ZNF778: variants seen among roughly 807,000 people sequenced by gnomAD.
ZNF778 encodes the protein zinc finger protein 778.
ZNF778 carries 37 observed loss-of-function variants against 23.9 expected under a neutral mutation model. The observed-to-expected ratio is 1.54, with a 90% CI of 1.19 to 2.03. ZNF778 has a LOEUF of 2.03. Among genes scored for constraint, ZNF778 ranks in the 30% most tolerant of loss-of-function variants. The pLI is 0.00. For missense variants in ZNF778, 1,297 were observed against 934.4 expected, an observed-to-expected ratio of 1.39 and a Z score of -5.06; for synonymous variants, 483 against 343.9, an observed-to-expected ratio of 1.40 and a Z score of -4.48.
Position 89,227,638 on chromosome 16 carries a change from G to A in ZNF778, c.1350G>A (p.Thr450=), listed in dbSNP as rs749504610. The change falls in exon 7 of 7, where the codon ACG becomes ACA. Residue 450 remains threonine (T), a synonymous_variant. Coordinates refer to ENST00000433976, the MANE Select transcript of ZNF778 (RefSeq NM_001201407.2). ...VRTHTGEKPY[T]CKDCGKAFCT... ...CACACACGGGCGAGAAGCCATACAC[G>A]TGTAAGGACTGCGGGAAAGCCTTCT... is the stretch of plus-strand genomic sequence containing the variant. 22 of 1,613,860 alleles carry A rather than the reference G, an allele frequency of 1.4e-5. No individual in the cohort carries two copies. The highest frequency in any genetic ancestry group is 5.0e-5 in the Admixed American group (3 of 59,992).
rs117871132 is a variant in ZNF778, at chr16:89,233,601, T to C, written c.*5039T>C. 0.048 allele frequency: 54,510 copies of C among 1,125,086 alleles called. 1,700 individuals carry two copies. Among genetic ancestry groups the C allele is most frequent in the East Asian group, 0.2 (3,197 of 16,044 alleles). The allele number at this position is 1,125,086 out of a possible 1,614,324, so 69.7% of individuals were successfully genotyped here. On this transcript the variant is annotated 3_prime_UTR_variant, in exon 7 of 7. Coordinates refer to ENST00000433976, the MANE Select transcript of ZNF778 (RefSeq NM_001201407.2). ...TGCATATGCAACGCAACTCAACTCATACTGCATATGCAACTCAACTCACAC... is the reference window on the plus strand; with the variant it reads ...TGCATATGCAACGCAACTCAACTCACACTGCATATGCAACTCAACTCACAC...
Position 89,227,657 on chromosome 16 carries a change from G to C in ZNF778, c.1369G>C (p.Ala457Pro). The C allele has an allele frequency of 6.2e-7, 1 of 1,614,186 alleles. No homozygotes were observed. Among genetic ancestry groups the C allele is most frequent in the South Asian group, 1.1e-5 (1 of 91,084 alleles). The change falls in exon 7 of 7, where the codon GCC (alanine) becomes CCC (proline). Residue 457 changes from alanine to proline, a missense_variant. Physicochemically the swap from Ala to Pro is conservative, Grantham distance 27 (BLOSUM62 -1). Transcript: ENST00000433976. ...ATACACGTGTAAGGACTGCGGGAAA[G>C]CCTTCTGTACATCCTCGGGCCTTAC... The part of the protein sequence containing the change: ...KPYTCKDCGK[A>P]FCTSSGLTEH...
chr16:89,219,802 G>A (rs1167493380), intron 1 of ZNF778, among the ~76,000 whole-genome samples: 6 of 152,108 alleles, frequency 3.9e-5, no homozygotes, highest in Admixed American at 2.6e-4. Context: ...TGTTATATAC[G>A]TTGCCCCTAA....
At chr16:89,222,490 A>G (rs543025022) in intron 3 of ZNF778, among the ~76,000 whole-genome samples, 2 of 152,320 alleles carry the variant, frequency 1.3e-5, no homozygotes, top group Admixed American at 1.3e-4. Flanking sequence ...CAGCCTCCCA[A>G]GTAGCTGGGA....
chr16:89,230,130 G>GAC lies in ZNF778; in HGVS notation c.*1568_*1569insAC. Reference sequence around the variant, plus strand: ...GGGTCCCACACTGGCCAATGTTGGGGCATAACACAGCTCTACATTTTATGA... The same window carrying GAC: ...GGGTCCCACACTGGCCAATGTTGGGGACCATAACACAGCTCTACATTTTATGA... On this transcript the variant is annotated 3_prime_UTR_variant, in exon 7 of 7. Coordinates refer to ENST00000433976, the MANE Select transcript of ZNF778 (RefSeq NM_001201407.2). 1 of 691,610 alleles carries GAC rather than the reference G, an allele frequency of 1.4e-6. No individual in the cohort carries two copies. Among genetic ancestry groups the GAC allele is most frequent in the Non-Finnish European group, 1.8e-6 (1 of 563,014 alleles). The allele number at this position is 691,610 out of a possible 1,614,324, so 42.8% of individuals were successfully genotyped here.
In ZNF778 at chr16:89,232,595, T is replaced by C; in HGVS notation, c.*4033T>C. 1 of 1,178,410 alleles carries C rather than the reference T, an allele frequency of 8.5e-7. No homozygotes were observed. The highest frequency in any genetic ancestry group is 1.1e-6 in the Non-Finnish European group (1 of 932,006). The allele number at this position is 1,178,410 out of a possible 1,614,324, so 73.0% of individuals were successfully genotyped here. The stretch of plus-strand genomic sequence containing the variant: ...AATCTCCACTCCCAATGTCTGAGGG[T>C]TCCTCAGAGTAAGATAAAATATTAA... On this transcript the variant is annotated 3_prime_UTR_variant, in exon 7 of 7. Coordinates refer to ENST00000433976, the MANE Select transcript of ZNF778 (RefSeq NM_001201407.2).
rs1213520810 is a variant in ZNF778 at position 89,228,543 on chromosome 16, C to T, written c.2255C>T (p.Thr752Ile). Residue 752 changes from threonine (T) to isoleucine (I), a missense_variant, in exon 7 of 7, where the codon ACT (threonine) becomes ATT (isoleucine). By Grantham distance (89) the Thr-to-Ile change is moderately conservative. Coordinates refer to ENST00000433976, the MANE Select transcript of ZNF778 (RefSeq NM_001201407.2). ...CTTAACCATCACACTCAAATTCACA[C>T]TGATGAGAAACCTTTCTAATGTAAA... The part of the protein sequence containing the change: ...SCLNHHTQIH[T>I]DEKPF The T allele has an allele frequency of 4.4e-6, 7 of 1,588,894 alleles. No individual in the cohort carries two copies. Among genetic ancestry groups the T allele is most frequent in the Admixed American group, 1.8e-5 (1 of 54,614 alleles).
chr16:89,223,163 G>A lies in ZNF778; in HGVS notation c.124G>A (p.Val42Met), dbSNP rs781756193. 1.2e-6 allele frequency: 2 copies of A among 1,613,070 alleles called. No homozygotes were observed. The highest frequency in any genetic ancestry group is 2.7e-5 in the African/African-American group (2 of 74,834). ...GTCATGTGTGATGATTTAGGACGCG[G>A]TGACCTTTGACGACGTGGCTGTGGA... Reference protein sequence around the residue: ...GWLINCYQDAVTFDDVAVDFT... With the variant: ...GWLINCYQDAMTFDDVAVDFT... Residue 42 changes from valine (V) to methionine (M), a missense_variant, in exon 4 of 7, where the codon GTG becomes ATG. Transcript: ENST00000433976.
intron 5 of ZNF778, 84 bp downstream of exon 5, chr16:89,224,886 G>C: frequency 9.8e-7 from 1 of 1,021,654 alleles, no homozygotes; most frequent in South Asian, 1.4e-5. Context: ...GGCTATGGAA[G>C]GATTGTGTCA....
Position 89,221,008 on chromosome 16 carries a change from C to T in ZNF778, c.-120C>T. 1.9e-6 allele frequency: 2 copies of T among 1,072,318 alleles called. No individual in the cohort carries two copies. Among genetic ancestry groups the T allele is most frequent in the Non-Finnish European group, 2.7e-6 (2 of 729,874 alleles). The allele number at this position is 1,072,318 out of a possible 1,614,324, so 66.4% of individuals were successfully genotyped here. A position where few individuals can be genotyped will look rare whatever the true frequency, so the allele number is the denominator to read the frequency against. ...ATCATGATTGCTAGGAAATAGGGAT[C>T]CAGCCATCCGTGGGTCAGGAGGAAT... is the stretch of plus-strand genomic sequence containing the variant. On this transcript the variant is annotated 5_prime_UTR_variant, in exon 2 of 7. Coordinates refer to ENST00000433976, the MANE Select transcript of ZNF778 (RefSeq NM_001201407.2).
Position 89,228,246 on chromosome 16 carries a change from C to T in ZNF778, c.1958C>T (p.Ala653Val), listed in dbSNP as rs778594040. ...KPYICKECGK[A>V]FASSSHLIEH... is the part of the protein sequence containing the mutation. The stretch of plus-strand genomic sequence containing the variant: ...TACATATGTAAGGAGTGTGGGAAAG[C>T]CTTTGCTTCCTCCTCACACCTTATC... Residue 653 changes from alanine (A) to valine (V), a missense_variant, in exon 7 of 7, where the codon GCC becomes GTC. By Grantham distance (64) the Ala-to-Val change is moderately conservative (BLOSUM62 0). Transcript: ENST00000433976. The T allele has an allele frequency of 1.9e-6, 3 of 1,613,784 alleles. No individual in the cohort carries two copies. The highest frequency in any genetic ancestry group is 2.2e-5 in the East Asian group (1 of 44,890).
At position 89,226,702 on chromosome 16, in the gene ZNF778, C is replaced by G; in HGVS notation, c.414C>G (p.Ser138Arg). The G allele has an allele frequency of 1.2e-6, 2 of 1,608,552 alleles. No individual in the cohort carries two copies. Among genetic ancestry groups the G allele is most frequent in the Non-Finnish European group, 1.7e-6 (2 of 1,176,316 alleles). The change falls in exon 7 of 7, where the codon AGC becomes AGG. Residue 138 changes from serine (S) to arginine (R), a missense_variant. Ser to Arg is a moderately radical substitution (Grantham distance 110). Transcript: ENST00000433976. The part of the protein sequence containing the change: ...RASNETQTAR[S>R]HNGGQLCDRT... ...TCATTCTTCACCAACAGGCAAGAAG[C>G]CACAATGGAGGGCAGCTCTGTGACC... is the stretch of plus-strand genomic sequence containing the variant.
chr16:89,222,370 C>A (rs989956787), intron 3 of ZNF778, among the ~76,000 whole-genome samples, 187 bp downstream of exon 3: 3 of 148,218 alleles, frequency 2.0e-5, no homozygotes, highest in Non-Finnish European at 4.5e-5. Flanking sequence ...TTCAGTGTTA[C>A]TTTTTTTTTT....
In ZNF778 at chr16:89,221,027, G is replaced by A; in HGVS notation, c.-101G>A. The A allele has an allele frequency of 1.5e-6, 2 of 1,339,082 alleles. No homozygotes were observed. Among genetic ancestry groups the A allele is most frequent in the Non-Finnish European group, 2.1e-6 (2 of 960,546 alleles). 83.0% of individuals were successfully genotyped at this position (1,339,082 alleles called of 1,614,324 possible). A position where few individuals can be genotyped will look rare whatever the true frequency, so the allele number is the denominator to read the frequency against. The stretch of plus-strand genomic sequence containing the variant: ...AGGGATCCAGCCATCCGTGGGTCAG[G>A]AGGAATGGAGACTGTACCTTCCACA... On this transcript the variant is annotated 5_prime_UTR_variant, in exon 2 of 7. Coordinates refer to ENST00000433976, the MANE Select transcript of ZNF778 (RefSeq NM_001201407.2).
At position 89,233,888 on chromosome 16, in the gene ZNF778, C is replaced by T; in HGVS notation, c.*5326C>T. On this transcript the variant is annotated 3_prime_UTR_variant, in exon 7 of 7. Transcript: ENST00000433976. ...ACCACACCAAGCCAGTATTTCTCCT[C>T]CCTGAAGTCAGCCCAGGATGAGGCA... 7.8e-7 allele frequency: 1 copy of T among 1,289,664 alleles called. No individual in the cohort carries two copies. Among genetic ancestry groups the T allele is most frequent in the Non-Finnish European group, 1.0e-6 (1 of 989,008 alleles). The allele number at this position is 1,289,664 out of a possible 1,614,324, so 79.9% of individuals were successfully genotyped here.
At chr16:89,224,652 G>A in intron 4 of ZNF778, 67 bp from the exon 5 acceptor site, 1 of 1,144,946 alleles carries the variant, frequency 8.7e-7, no homozygotes. Context: ...TGTAGTTCCT[G>A]TTCACGGGTA....
chr16:89,221,104 A>C lies in ZNF778; in HGVS notation c.-24A>C, dbSNP rs752074365. On this transcript the variant is annotated 5_prime_UTR_variant, in exon 2 of 7. Coordinates refer to ENST00000433976, the MANE Select transcript of ZNF778 (RefSeq NM_001201407.2). ...CCTTGGCTTCAGGAAAGGAGCATTC[A>C]GACGCTTCCGTCAGCCTCCCAGGAT... 1 of 1,564,720 alleles carries C rather than the reference A, an allele frequency of 6.4e-7. No individual in the cohort carries two copies. Among genetic ancestry groups the C allele is most frequent in the South Asian group, 1.2e-5 (1 of 84,940 alleles).
At chr16:89,221,613 A>C (rs1597347237) in intron 2 of ZNF778, among the ~76,000 whole-genome samples, 1 of 75,432 alleles carries the variant, frequency 1.3e-5, no homozygotes, top group African/African-American at 5.5e-5. Flanking sequence ...GTGTGTGTGT[A>C]TTTTCCTGAG....
rs887648109 is a variant in ZNF778 at position 89,235,521 on chromosome 16, G to C, written c.*6959G>C. 2.6e-5 allele frequency: 4 copies of C among 152,132 alleles called. No homozygotes were observed. The highest frequency in any genetic ancestry group is 9.7e-5 in the African/African-American group (4 of 41,400). The allele number at this position is 152,132 out of a possible 1,614,324, so 9.4% of individuals were successfully genotyped here. On this transcript the variant is annotated 3_prime_UTR_variant, in exon 7 of 7. Transcript: ENST00000433976. ...CAACATGGAAAGCACGACCCACATG[G>C]TTTCAATAGAACTTGCCTCCTGAAC...
Sources: gnomAD v4.1 joint callset for allele counts (sites outside exome capture counted in the v4.1 genomes callset) on GRCh38, gnomAD v4.1.1 for gene constraint, MANE v1.5 for transcripts, NCBI Gene and HGNC (gene_info 2026-07-23, HGNC 2026-07-21) for gene names.